MSRB3: variants seen among roughly 807,000 people sequenced by gnomAD.
MSRB3 encodes the protein methionine-R-sulfoxide reductase B3.
In MSRB3, 13 loss-of-function variants were observed where a neutral mutation model predicts 21.0. That is an observed-to-expected ratio of 0.62 (90% CI 0.40 to 0.98). The LOEUF (loss-of-function observed/expected upper bound fraction) is 0.98, where lower values mean the gene tolerates loss of function less well. Among genes scored for constraint, MSRB3 ranks in the 50% least tolerant of loss-of-function variants. MSRB3 has a pLI of 0.00. For missense variants in MSRB3, 199 were observed against 230.3 expected, an observed-to-expected ratio of 0.86 and a Z score of 0.88; for synonymous variants, 87 against 88.6, an observed-to-expected ratio of 0.98 and a Z score of 0.10.
chr12:65,309,231 A>G (rs1309533739), intron 2 of MSRB3, among the ~76,000 whole-genome samples: 1 of 152,212 alleles, frequency 6.6e-6, no homozygotes, highest in Non-Finnish European at 1.5e-5. Flanking sequence ...TGATTTTAAG[A>G]ATTTAAATAA....
At chr12:65,437,162 C>T (rs558325499) in intron 5 of MSRB3, among the ~76,000 whole-genome samples, 6 of 151,806 alleles carry the variant, frequency 4.0e-5, no homozygotes, top group Admixed American at 1.3e-4. Flanking sequence ...GTTTTTGCCC[C>T]GTGGACTAAG....
At chr12:65,293,399 A>C (rs1287310718) in intron 1 of MSRB3, among the ~76,000 whole-genome samples, 1 of 152,120 alleles carries the variant, frequency 6.6e-6, no homozygotes, top group Non-Finnish European at 1.5e-5. Flanking sequence ...CTGGCTTCTA[A>C]GGTTTGCACC....
intron 4 of MSRB3, among the ~76,000 whole-genome samples, chr12:65,331,079 T>C (rs1875383980): frequency 6.6e-6 from 1 of 152,216 alleles, no homozygotes; most frequent in Admixed American, 6.5e-5. Flanking sequence ...CTCTAAGGTT[T>C]TGTCAAATCT....
chr12:65,424,817 T>G (rs1278154587), intron 5 of MSRB3, among the ~76,000 whole-genome samples: 2 of 150,686 alleles, frequency 1.3e-5, no homozygotes, highest in Admixed American at 6.6e-5. Flanking sequence ...ACATGTCTGT[T>G]AGGTCTGTTT....
intron 2 of MSRB3, among the ~76,000 whole-genome samples, chr12:65,324,253 G>C (rs942784107): frequency 1.3e-5 from 2 of 152,150 alleles, no homozygotes; most frequent in Non-Finnish European, 2.9e-5. Context: ...TACAAAATTT[G>C]TGTGAATACT....
chr12:65,427,023 C>A (rs950223272), intron 5 of MSRB3, among the ~76,000 whole-genome samples: 4 of 152,146 alleles, frequency 2.6e-5, no homozygotes, highest in Admixed American at 1.3e-4. Flanking sequence ...CTTTGTCAGG[C>A]AGTTTGCATA....
chr12:65,463,110 T>C, intron 6 of MSRB3, 45 bp from the exon 7 acceptor site: 3 of 1,612,288 alleles, frequency 1.9e-6, no homozygotes, highest in Non-Finnish European at 2.5e-6. Context: ...TCTCAAAGCC[T>C]GCTTTGTACA....
intron 2 of MSRB3, among the ~76,000 whole-genome samples, chr12:65,309,661 G>A (rs752254971): frequency 5.9e-5 from 9 of 152,180 alleles, no homozygotes; most frequent in Non-Finnish European, 1.0e-4. Context: ...GGAAGGAAGG[G>A]AAGATCTCTG....
At chr12:65,395,152 G>T (rs2136587474) in intron 5 of MSRB3, among the ~76,000 whole-genome samples, 1 of 152,270 alleles carries the variant, frequency 6.6e-6, no homozygotes, top group Non-Finnish European at 1.5e-5. Flanking sequence ...ATCTCTATTT[G>T]CAGATGATAT....
chr12:65,357,520 G>C (rs1877456569), intron 4 of MSRB3, among the ~76,000 whole-genome samples: 1 of 151,876 alleles, frequency 6.6e-6, no homozygotes. Context: ...AATGAATATT[G>C]GTACGTAATT....
intron 4 of MSRB3, among the ~76,000 whole-genome samples, chr12:65,346,243 C>G (rs1876496050): frequency 6.6e-6 from 1 of 152,154 alleles, no homozygotes; most frequent in Admixed American, 6.5e-5. Flanking sequence ...CTCTCCGGCA[C>G]CTGTTGTTTC....
chr12:65,360,325 A>G (rs968420301), intron 4 of MSRB3, among the ~76,000 whole-genome samples: 1 of 152,068 alleles, frequency 6.6e-6, no homozygotes, highest in African/African-American at 2.4e-5. Context: ...ATTTATTCTC[A>G]GTAGATAAAA....
At chr12:65,440,047 C>T (rs377339467) in intron 5 of MSRB3, among the ~76,000 whole-genome samples, 6 of 151,626 alleles carry the variant, frequency 4.0e-5, no homozygotes, top group South Asian at 4.2e-4. Context: ...ACAGTGTAAA[C>T]GACAGTTTAT....
intron 2 of MSRB3, among the ~76,000 whole-genome samples, chr12:65,309,283 TA>T (rs1401115623): frequency 6.6e-6 from 1 of 152,234 alleles, no homozygotes; most frequent in African/African-American, 2.4e-5. Flanking sequence ...GCCTGTATCA[TA>T]AGCTTAATAT....
chr12:65,392,951 A>G (rs1226046340), intron 5 of MSRB3, among the ~76,000 whole-genome samples: 2 of 152,126 alleles, frequency 1.3e-5, no homozygotes, highest in Admixed American at 6.5e-5. Context: ...GTACTTTAAC[A>G]GCTCCCACAA....
chr12:65,326,026 A>G (rs563865612), intron 2 of MSRB3, among the ~76,000 whole-genome samples: 2 of 152,354 alleles, frequency 1.3e-5, no homozygotes, highest in South Asian at 4.1e-4. Flanking sequence ...AAGTCTTCCT[A>G]GATATACTTT....
chr12:65,387,511 GT>G (rs1879253390), intron 5 of MSRB3, among the ~76,000 whole-genome samples: 2 of 152,192 alleles, frequency 1.3e-5, no homozygotes, highest in South Asian at 4.1e-4. Flanking sequence ...TACATTGACT[GT>G]TTATAATTCC....
chr12:65,445,749 G>A (rs898530413), intron 5 of MSRB3, among the ~76,000 whole-genome samples: 4 of 151,086 alleles, frequency 2.6e-5, no homozygotes, highest in South Asian at 2.1e-4. Flanking sequence ...AGGTTCAAGC[G>A]ATTCTCCCAC....
chr12:65,455,677 A>G (rs1258871541), intron 6 of MSRB3, among the ~76,000 whole-genome samples: 1 of 152,196 alleles, frequency 6.6e-6, no homozygotes, highest in Non-Finnish European at 1.5e-5. Context: ...GGTTGAAAAG[A>G]GTCATTAAAA....
Sources: allele counts gnomAD v4.1 joint callset (sites outside exome capture counted in the v4.1 genomes callset), GRCh38; gene constraint gnomAD v4.1.1; transcripts MANE v1.5; gene names NCBI Gene and HGNC (gene_info 2026-07-23, HGNC 2026-07-21).